Variants in ARB2A observed in about 807,000 individuals in gnomAD.
The protein encoded by ARB2A is cotranscriptional regulator ARB2A.
the ARB2A span, among the ~76,000 whole-genome samples, chr5:93,844,720 C>T: frequency 6.6e-6 from 1 of 152,086 alleles, no homozygotes; most frequent in African/African-American, 2.4e-5. Context: ...CCACATACAG[C>T]AGTTAACCAG....
chr5:93,813,804 A>C, the ARB2A span, among the ~76,000 whole-genome samples: 78 of 152,226 alleles, frequency 5.1e-4, no homozygotes, highest in Non-Finnish European at 9.3e-4. Context: ...ATAGGAGCCC[A>C]AAATGACCAA....
chr5:93,725,974 A>G, the ARB2A span, among the ~76,000 whole-genome samples: 9 of 152,074 alleles, frequency 5.9e-5, no homozygotes, highest in Non-Finnish European at 8.8e-5. Flanking sequence ...CCCTCCACAT[A>G]GCAGGCCTCA....
the ARB2A span, among the ~76,000 whole-genome samples, chr5:94,087,913 T>C: frequency 1.2e-3 from 188 of 152,312 alleles, 1 homozygote; most frequent in African/African-American, 4.3e-3. Flanking sequence ...TCTAGGTGTG[T>C]GTAAGTACAC....
At chr5:93,765,314 A>G in the ARB2A span, among the ~76,000 whole-genome samples, 1 of 152,214 alleles carries the variant, frequency 6.6e-6, no homozygotes, top group Non-Finnish European at 1.5e-5. Context: ...TCAGCCCAAA[A>G]TCTCCTTAAG....
At chr5:93,978,261 G>A in the ARB2A span, among the ~76,000 whole-genome samples, 28 of 152,092 alleles carry the variant, frequency 1.8e-4, no homozygotes, top group Non-Finnish European at 2.8e-4. Flanking sequence ...TCCCATTACT[G>A]TGTATACAAC....
chr5:94,045,276 G>C, the ARB2A span, among the ~76,000 whole-genome samples: 8 of 151,884 alleles, frequency 5.3e-5, no homozygotes, highest in African/African-American at 1.9e-4. Context: ...CTGTGTTTAT[G>C]GAGTAGCCAT....
At chr5:93,779,137 G>A in the ARB2A span, among the ~76,000 whole-genome samples, 21 of 150,994 alleles carry the variant, frequency 1.4e-4, no homozygotes, top group South Asian at 1.9e-3. Flanking sequence ...GCGCGCGCGC[G>A]CACGTGCAGG....
At chr5:93,739,966 C>G in the ARB2A span, 1 of 140,744 alleles carries the variant, frequency 7.1e-6, no homozygotes, top group Admixed American at 7.5e-5. Context: ...TGACATGAAG[C>G]TGGGGCACCA....
chr5:94,065,150 C>T, the ARB2A span, among the ~76,000 whole-genome samples: 5 of 152,082 alleles, frequency 3.3e-5, no homozygotes, highest in South Asian at 4.1e-4. Flanking sequence ...AAACATGGCC[C>T]AACTACATGC....
chr5:93,989,185 T>A, the ARB2A span, among the ~76,000 whole-genome samples: 1 of 152,150 alleles, frequency 6.6e-6, no homozygotes, highest in Non-Finnish European at 1.5e-5. Context: ...GAATAATGTT[T>A]TTAAAACAAA....
the ARB2A span, among the ~76,000 whole-genome samples, chr5:93,935,104 G>C: frequency 6.6e-6 from 1 of 152,060 alleles, no homozygotes; most frequent in Non-Finnish European, 1.5e-5. Context: ...AGGCGGGTGA[G>C]GGATAAAAGA....
At chr5:93,775,134 A>T in the ARB2A span, among the ~76,000 whole-genome samples, 4 of 152,140 alleles carry the variant, frequency 2.6e-5, no homozygotes, top group Non-Finnish European at 4.4e-5. Context: ...AGACTTATAA[A>T]ATTCAGCTGT....
the ARB2A span, among the ~76,000 whole-genome samples, chr5:94,083,771 C>A: frequency 1.3e-5 from 2 of 148,834 alleles, no homozygotes; most frequent in Admixed American, 6.7e-5. Flanking sequence ...TCATTATTTT[C>A]AAATGATATA....
chr5:93,804,812 A>T, the ARB2A span: 1 of 577,624 alleles, frequency 1.7e-6, no homozygotes, highest in Non-Finnish European at 2.2e-6. Context: ...ATCTTTAGTA[A>T]TCTTTTTATG....
At chr5:94,013,935 G>C in the ARB2A span, among the ~76,000 whole-genome samples, 1 of 152,074 alleles carries the variant, frequency 6.6e-6, no homozygotes, top group East Asian at 1.9e-4. Context: ...CTAGTACATG[G>C]GAAATTTCCC....
At chr5:93,684,487 C>T in the ARB2A span, among the ~76,000 whole-genome samples, 81 of 152,228 alleles carry the variant, frequency 5.3e-4, no homozygotes, top group African/African-American at 1.8e-3. Flanking sequence ...CTGTTTTAAG[C>T]ACATAACATA....
At chr5:93,628,434 C>A in the ARB2A span, among the ~76,000 whole-genome samples, 1 of 152,114 alleles carries the variant, frequency 6.6e-6, no homozygotes, top group African/African-American at 2.4e-5. Flanking sequence ...GCTTCATTAG[C>A]CCCTAACAAG....
At chr5:93,815,524 T>A in the ARB2A span, among the ~76,000 whole-genome samples, 1 of 152,312 alleles carries the variant, frequency 6.6e-6, no homozygotes, top group Non-Finnish European at 1.5e-5. Context: ...CATTCTAATC[T>A]AAGCCACATA....
At chr5:93,827,276 A>G in the ARB2A span, among the ~76,000 whole-genome samples, 1 of 152,126 alleles carries the variant, frequency 6.6e-6, no homozygotes, top group Non-Finnish European at 1.5e-5. Context: ...TGACTTTTTA[A>G]TGATCACCAT....
Sources: allele counts gnomAD v4.1 joint callset (sites outside exome capture counted in the v4.1 genomes callset), GRCh38; gene constraint gnomAD v4.1.1; transcripts MANE v1.5; gene names NCBI Gene and HGNC (gene_info 2026-07-23, HGNC 2026-07-21).